Variants in ATG16L2 observed in about 807,000 individuals in gnomAD.
ATG16L2 encodes protein Atg16l2.
Under a neutral mutation model 84.7 loss-of-function variants are expected in ATG16L2, and 77 were observed. The ratio of observed to expected loss-of-function variants is 0.91; its 90% CI spans 0.76 to 1.10. The LOEUF is 1.10. Among genes scored for constraint, ATG16L2 ranks in the 50% least tolerant of loss-of-function variants. ATG16L2 has a pLI of 0.00. For synonymous variants in ATG16L2, 361 were observed against 342.8 expected, an observed-to-expected ratio of 1.05 and a Z score of -0.59; for missense variants, 782 against 817.6, an observed-to-expected ratio of 0.96 and a Z score of 0.53.
chr11:72,821,287 G>A (rs890395024), intron 3 of ATG16L2: 2 of 1,025,948 alleles, frequency 1.9e-6, no homozygotes, highest in African/African-American at 3.4e-5. Flanking sequence ...AGGGCCGGAT[G>A]GGCATTTGGC....
rs1462651677 is a variant in ATG16L2, at chr11:72,828,460, C to T, written c.1574C>T (p.Thr525Ile). The change falls in exon 15 of 18, where the codon ACA becomes ATA. Residue 525 changes from threonine to isoleucine, a missense_variant. Coordinates refer to ENST00000321297, the MANE Select transcript of ATG16L2 (RefSeq NM_033388.2). The stretch of plus-strand genomic sequence containing the variant: ...CTGCTCAGCTGTTCCCGAGACAACA[C>T]ACTCAAGGTCATCGACCTGCGTGTC... ...LHLLSCSRDN[T>I]LKVIDLRVSN... is the part of the protein sequence containing the mutation. 2 of 1,614,122 alleles carry T rather than the reference C, an allele frequency of 1.2e-6. No homozygotes were observed. The highest frequency in any genetic ancestry group is 1.7e-6 in the Non-Finnish European group (2 of 1,180,056).
intron 5 of ATG16L2, among the ~76,000 whole-genome samples, chr11:72,841,798 T>G (rs1012723591): frequency 6.6e-6 from 1 of 152,224 alleles, no homozygotes; most frequent in Admixed American, 6.5e-5. Flanking sequence ...TCTCATCACA[T>G]TACTGATTTT....
chr11:72,827,047 G>A, intron 13 of ATG16L2, 141 bp from the exon 14 acceptor site: 1 of 839,262 alleles, frequency 1.2e-6, no homozygotes, highest in Non-Finnish European at 1.9e-6. Context: ...ACGTGGGTGA[G>A]CCCTGTGCTG....
chr11:72,815,515 C>G (rs1207316405), intron 1 of ATG16L2, among the ~76,000 whole-genome samples: 1 of 152,090 alleles, frequency 6.6e-6, no homozygotes. Flanking sequence ...ACCCCTGCCC[C>G]CCGCCCCGAC....
chr11:72,828,818 G>T (rs1475204746), intron 16 of ATG16L2, 42 bp downstream of exon 16: 1 of 1,614,056 alleles, frequency 6.2e-7, no homozygotes, highest in Admixed American at 1.7e-5. Flanking sequence ...AGTGTGCCCT[G>T]CCGGACCCTG....
chr11:72,838,521 G>C lies in ATG16L2; in HGVS notation c.*22-4096G>C, dbSNP rs1056338444. The C allele has an allele frequency of 5.5e-5, 28 of 507,332 alleles. No individual in the cohort carries two copies. In the Admixed American group the frequency reaches 8.7e-4, roughly 16 times the overall value. The allele number at this position is 507,332 out of a possible 1,614,324, so 31.4% of individuals were successfully genotyped here. On this transcript the variant is annotated intron_variant, in intron 5 of 5. Coordinates refer to the ATG16L2 transcript ENST00000534905. ...CTCATATAAAAACAGACCACTGTTAGGCATGAGGGCTGCCCCCCTCTTTGC... is the reference window on the plus strand; with the variant it reads ...CTCATATAAAAACAGACCACTGTTACGCATGAGGGCTGCCCCCCTCTTTGC...
Position 72,821,584 on chromosome 11 carries a change from C to A in ATG16L2, c.319-84C>A, listed in dbSNP as rs927130423. On this transcript the variant is annotated intron_variant, in intron 3 of 17. Transcript: ENST00000321297. ...GGAAGGGGGCGGGCAGGTGAGCAGCCGACTCCCTTAGCGCCTTCGGCCCCG... is the reference window on the plus strand; with the variant it reads ...GGAAGGGGGCGGGCAGGTGAGCAGCAGACTCCCTTAGCGCCTTCGGCCCCG... 6 of 1,495,442 alleles carry A rather than the reference C, an allele frequency of 4.0e-6. No homozygotes were observed. The South Asian group carries it at 7.6e-5, about 19-fold the overall frequency. 92.6% of individuals were successfully genotyped at this position (1,495,442 alleles called of 1,614,324 possible).
At chr11:72,839,525 A>G (rs1860842162) in intron 5 of ATG16L2, among the ~76,000 whole-genome samples, 1 of 152,170 alleles carries the variant, frequency 6.6e-6, no homozygotes, top group South Asian at 2.1e-4. Flanking sequence ...CAGTAGGGGA[A>G]GTAGAGAAGT....
rs772397859 is a variant in ATG16L2, at chr11:72,826,468, G to C, written c.1174-50G>C. ...CCCTAGCCTCATTCTGTGGCCCGAA[G>C]AATGTTGCCTCCGGCTTAGCACCTC... On this transcript the variant is annotated intron_variant, in intron 11 of 17. Coordinates refer to ENST00000321297, the MANE Select transcript of ATG16L2 (RefSeq NM_033388.2). 9 of 1,609,720 alleles carry C rather than the reference G, an allele frequency of 5.6e-6. No individual in the cohort carries two copies. The Admixed American group carries it at 1.3e-4, about 24-fold the overall frequency.
intron 5 of ATG16L2, among the ~76,000 whole-genome samples, chr11:72,841,959 A>T (rs1314596497): frequency 2.0e-5 from 3 of 152,212 alleles, no homozygotes; most frequent in African/African-American, 7.2e-5. Flanking sequence ...TACTTTGCTG[A>T]ATTTCTGACT....
intron 7 of ATG16L2, chr11:72,823,202 C>T: frequency 2.2e-6 from 1 of 451,920 alleles, no homozygotes; most frequent in Non-Finnish European, 4.0e-6. Flanking sequence ...GGGATCAGAG[C>T]TCTGGGGGTG....
At chr11:72,815,454 A>G (rs1859651022) in intron 1 of ATG16L2, among the ~76,000 whole-genome samples, 1 of 152,130 alleles carries the variant, frequency 6.6e-6, no homozygotes, top group South Asian at 2.1e-4. Context: ...TCCACTGCTC[A>G]GACAGACAGT....
intron 3 of ATG16L2, chr11:72,818,152 C>A: frequency 2.7e-6 from 1 of 366,870 alleles, no homozygotes; most frequent in Non-Finnish European, 5.0e-6. Context: ...TGGCTCACCC[C>A]TCGCCCAGCC....
chr11:72,826,290 T>C, intron 11 of ATG16L2, 47 bp downstream of exon 11: 1 of 1,593,078 alleles, frequency 6.3e-7, no homozygotes, highest in South Asian at 1.1e-5. Context: ...CTCTCTGATC[T>C]CCACACTGGG....
At position 72,819,186 on chromosome 11, in the gene ATG16L2, C is replaced by T. The variant is rs12271465; in HGVS notation, c.318+1331C>T. Among the ~76,000 whole-genome samples the T allele has an allele frequency of 4.9e-3, 745 of 152,276 alleles. 6 individuals carry two copies. The highest frequency in any genetic ancestry group is 0.017 in the African/African-American group (688 of 41,550). On this transcript the variant is annotated intron_variant, in intron 3 of 17. Coordinates refer to ENST00000321297, the MANE Select transcript of ATG16L2 (RefSeq NM_033388.2). ...TTCCTGTGACTGCCCCCCAGTCGTTCTCACACATGCTGGAAATGCAGGGGC... is the reference window on the plus strand; with the variant it reads ...TTCCTGTGACTGCCCCCCAGTCGTTTTCACACATGCTGGAAATGCAGGGGC...
chr11:72,821,317 C>T (rs1859978845), intron 3 of ATG16L2: 1 of 1,067,840 alleles, frequency 9.4e-7, no homozygotes, highest in Non-Finnish European at 1.1e-6. Context: ...GCGAGGAGTC[C>T]TCGCAGTGGT....
At chr11:72,832,915 G>A (rs1860638316), downstream of ATG16L2, among the ~76,000 whole-genome samples, 1 of 152,196 alleles carries the variant, frequency 6.6e-6, no homozygotes, top group Admixed American at 6.5e-5. Context: ...ATCCCCACCT[G>A]TGAAACTTCC....
rs1860041098 is a variant in ATG16L2 at position 72,822,219 on chromosome 11, G to T, written c.568G>T (p.Asp190Tyr). 1.3e-6 allele frequency: 2 copies of T among 1,505,106 alleles called. No individual in the cohort carries two copies. Among genetic ancestry groups the T allele is most frequent in the Admixed American group, 2.2e-5 (1 of 44,716 alleles). 93.2% of individuals were successfully genotyped at this position (1,505,106 alleles called of 1,614,324 possible). Residue 190 changes from aspartate (D) to tyrosine (Y), a missense_variant, in exon 5 of 18, where the codon GAC becomes TAC. Physicochemically the swap from Asp to Tyr is radical, Grantham distance 160. Transcript: ENST00000321297. This position sits in a 1 kb window ranked among gnomAD's most constrained non-coding sequence, Gnocchi z 4.2. ...GCGCAGGCTCCAGGAAGAGGCGCGC[G>T]ACCTGCTGGAGAGGCTCGTGCAGCG... ...ALRRLQEEAR[D>Y]LLERLVQRKA...
In ATG16L2 at chr11:72,829,587, C is replaced by CTCTATCTA. The variant is rs57674996; in HGVS notation, c.*204_*205insATCTATCT. On this transcript the variant is annotated 3_prime_UTR_variant, in exon 18 of 18. Transcript: ENST00000321297. The stretch of plus-strand genomic sequence containing the variant: ...CGCTAGTTTTTCTTTGTATTTTTAT[C>CTCTATCTA]TCTATCTCCTCACTTTTTCTCCCAA... 9 of 1,363,374 alleles carry CTCTATCTA rather than the reference C, an allele frequency of 6.6e-6. No homozygotes were observed. The highest frequency in any genetic ancestry group is 2.8e-5 in the East Asian group (1 of 36,280). The allele number at this position is 1,363,374 out of a possible 1,614,324, so 84.5% of individuals were successfully genotyped here. A position where few individuals can be genotyped will look rare whatever the true frequency, so the allele number is the denominator to read the frequency against.
Sources: allele counts gnomAD v4.1 joint callset (sites outside exome capture counted in the v4.1 genomes callset), GRCh38; gene constraint gnomAD v4.1.1; non-coding constraint Gnocchi (gnomAD v3.1); transcripts MANE v1.5; gene names NCBI Gene and HGNC (gene_info 2026-07-23, HGNC 2026-07-21).